Variants in RUSC1 observed in about 807,000 individuals in gnomAD.
The protein encoded by RUSC1 is RUN and SH3 domain containing 1.
In RUSC1, 40 loss-of-function variants were observed where a neutral mutation model predicts 72.1. The ratio of observed to expected loss-of-function variants is 0.55; its 90% CI spans 0.43 to 0.72. The LOEUF (loss-of-function observed/expected upper bound fraction) is 0.72. Among genes scored for constraint, RUSC1 ranks in the 30% least tolerant of loss-of-function variants. The probability of loss-of-function intolerance (pLI) is 0.00; values close to 1 mark genes in which losing one functional copy is unlikely to be tolerated. For missense variants in RUSC1, 1,092 were observed against 1,172.3 expected (o/e 0.93, Z 1.00); for synonymous variants, 512 against 494.2 (o/e 1.04, Z -0.48).
rs141042910 is a variant in RUSC1, at chr1:155,328,270, C to T, written c.2535C>T (p.Thr845=). 3.1e-6 allele frequency: 5 copies of T among 1,610,406 alleles called. No individual in the cohort carries two copies. The African/African-American group carries it at 4.0e-5, about 13-fold the overall frequency. The change falls in exon 9 of 10, where the codon ACC becomes ACT. Residue 845 remains threonine (T), a synonymous_variant. Transcript: ENST00000368352. ...CCTCAGCACCCAGGATGGTGCAAAC[C>T]CATAGGTAAGGAGGATTGGGGAGAA... ...LEASAPRMVQ[T]HRAVRALCDH... is the part of the protein sequence containing the mutation.
At chr1:155,328,520 C>T (rs980030571) in intron 9 of RUSC1, among the ~76,000 whole-genome samples, 14 of 151,530 alleles carry the variant, frequency 9.2e-5, no homozygotes, top group Non-Finnish European at 2.1e-4. Context: ...CTCACTGCAA[C>T]CTCCCCTTCC....
At chr1:155,321,242 C>T in intron 1 of RUSC1, 2 of 1,361,620 alleles carry the variant, frequency 1.5e-6, no homozygotes, top group Non-Finnish European at 2.0e-6. Flanking sequence ...CCAGCCCCCA[C>T]CCCTTTCCTG....
chr1:155,322,636 C>T lies in RUSC1; in HGVS notation c.863C>T (p.Ser288Leu). 1 of 1,614,246 alleles carries T rather than the reference C, an allele frequency of 6.2e-7. No individual in the cohort carries two copies. ...AACACAAGAATAACTGATTCTGGCT[C>T]GAAAACAGATGCAGGGAAAATTGAT... ...KTNTRITDSG[S>L]KTDAGKIDGG... Residue 288 changes from serine (S) to leucine (L), a missense_variant, in exon 2 of 10, where the codon TCG (serine) becomes TTG (leucine). Coordinates refer to ENST00000368352, the MANE Select transcript of RUSC1 (RefSeq NM_001105203.2).
At chr1:155,321,244 C>G (rs777599377) in intron 1 of RUSC1, 2 of 1,362,548 alleles carry the variant, frequency 1.5e-6, no homozygotes, top group South Asian at 2.3e-5. Context: ...AGCCCCCACC[C>G]CTTTCCTGCA....
chr1:155,322,882 C>A lies in RUSC1; in HGVS notation c.1109C>A (p.Thr370Asn). The A allele has an allele frequency of 6.2e-7, 1 of 1,612,198 alleles. No homozygotes were observed. The highest frequency in any genetic ancestry group is 8.5e-7 in the Non-Finnish European group (1 of 1,179,620). Residue 370 changes from threonine (T) to asparagine (N), a missense_variant, in exon 2 of 10, where the codon ACC (threonine) becomes AAC (asparagine). Coordinates refer to ENST00000368352, the MANE Select transcript of RUSC1 (RefSeq NM_001105203.2). ...TCGGCACCTCCTCGGGAAGTCACCA[C>A]CTTCAAGGAACTCCGGTCCCGAAGC... is the stretch of plus-strand genomic sequence containing the variant. ...GSSAPPREVT[T>N]FKELRSRSRA...
chr1:155,321,424 C>A, intron 1 of RUSC1: 3 of 1,406,614 alleles, frequency 2.1e-6, no homozygotes, highest in East Asian at 3.9e-5. Flanking sequence ...CGGACCTCTT[C>A]CAGGCCCCCG....
At chr1:155,328,726 G>A (rs1239284701) in intron 9 of RUSC1, among the ~76,000 whole-genome samples, 2 of 152,132 alleles carry the variant, frequency 1.3e-5, no homozygotes, top group Non-Finnish European at 2.9e-5. Flanking sequence ...AGCCTTCTGA[G>A]TAGCTGGGAT....
intron 8 of RUSC1, 76 bp downstream of exon 8, chr1:155,327,208 AG>A: frequency 7.1e-7 from 1 of 1,415,670 alleles, no homozygotes; most frequent in East Asian, 2.3e-5. Context: ...GAAACTCTCT[AG>A]TGATGATCCT....
Position 155,322,060 on chromosome 1 carries a change from C to G in RUSC1, c.287C>G (p.Ser96Cys), listed in dbSNP as rs1650611045. The change falls in exon 2 of 10, where the codon TCT (serine) becomes TGT (cysteine). Residue 96 changes from serine to cysteine, a missense_variant. By Grantham distance (112) the Ser-to-Cys change is moderately radical. Transcript: ENST00000368352. Reference protein sequence around the residue: ...DPSQEEEGAASPSDPGCSSSL... With the variant: ...DPSQEEEGAACPSDPGCSSSL... Reference sequence around the variant, plus strand: ...TCACAGGAGGAAGAGGGGGCTGCCTCTCCCTCAGACCCAGGCTGCTCCTCC... The same window carrying G: ...TCACAGGAGGAAGAGGGGGCTGCCTGTCCCTCAGACCCAGGCTGCTCCTCC... 2 of 1,613,842 alleles carry G rather than the reference C, an allele frequency of 1.2e-6. No homozygotes were observed. The highest frequency in any genetic ancestry group is 2.7e-5 in the African/African-American group (2 of 75,050).
intron 9 of RUSC1, among the ~76,000 whole-genome samples, chr1:155,329,472 A>C (rs1651784951): frequency 7.6e-6 from 1 of 131,986 alleles, no homozygotes. Flanking sequence ...GGCTCACTGC[A>C]ACCTCCGCCT....
At chr1:155,324,674 C>T in intron 2 of RUSC1, 171 bp from the exon 3 acceptor site, 2 of 1,536,886 alleles carry the variant, frequency 1.3e-6, no homozygotes, top group African/African-American at 1.4e-5. Context: ...AGATTTCACT[C>T]CGGGGCTCGG....
rs759604105 is a variant in RUSC1 at position 155,325,190 on chromosome 1, T to TG, written c.1533+18dup. On this transcript the variant is annotated intron_variant, in intron 4 of 9. Transcript: ENST00000368352. The surrounding 1 kb of genome is among the most constrained non-coding windows in gnomAD (Gnocchi z 6.5). Reference sequence around the variant, plus strand: ...ACTTGGTGCAGAAGGTGAAGGTGGCTGGGGGGAGGCTGTTGGGATGAGGAG... The same window carrying TG: ...ACTTGGTGCAGAAGGTGAAGGTGGCTGGGGGGGAGGCTGTTGGGATGAGGAG... The TG allele has an allele frequency of 4.2e-5, 68 of 1,614,018 alleles. 1 individual carries two copies. The South Asian group carries it at 6.8e-4, about 16-fold the overall frequency.
rs35826120 is a variant in RUSC1, at chr1:155,325,123, T to C, written c.1478T>C (p.Val493Ala). The change falls in exon 4 of 10, where the codon GTC becomes GCC. Residue 493 changes from valine (V) to alanine (A), a missense_variant. Val to Ala is a moderately conservative substitution (Grantham distance 64, BLOSUM62 0). Coordinates refer to ENST00000368352, the MANE Select transcript of RUSC1 (RefSeq NM_001105203.2). This position sits in a 1 kb window ranked among gnomAD's most constrained non-coding sequence, Gnocchi z 6.5. Reference protein sequence around the residue: ...QKKGLLIAVSVSVDKIISHFG... With the variant: ...QKKGLLIAVSASVDKIISHFG... ...CCAGGTCTTCTGATAGCCGTCAGCG[T>C]CTCCGTTGATAAAATCATCTCGCAT... The C allele has an allele frequency of 3.3e-3, 5,271 of 1,614,208 alleles. 157 individuals carry two copies. In the African/African-American group the frequency reaches 0.061, roughly 19 times the overall value.
chr1:155,330,173 T>C (rs1046827660), intron 9 of RUSC1, among the ~76,000 whole-genome samples: 2 of 152,036 alleles, frequency 1.3e-5, no homozygotes, highest in Non-Finnish European at 1.5e-5. Context: ...TGAAGCACCA[T>C]TGAGAAGTGC....
chr1:155,330,568 G>GT lies in RUSC1; in HGVS notation c.2707dup (p.Ter903LeufsTer46). ...CTGTGGGGTATACCTCCCTTGTTCT[G>GT]TAGCCCTGGGACCCTTTCCTGCGTA... On this transcript the variant is annotated frameshift_variant, in exon 10 of 10. Coordinates refer to ENST00000368352, the MANE Select transcript of RUSC1 (RefSeq NM_001105203.2). LOFTEE classifies it high-confidence loss of function. 6.3e-7 allele frequency: 1 copy of GT among 1,586,904 alleles called. No homozygotes were observed. The highest frequency in any genetic ancestry group is 8.6e-7 in the Non-Finnish European group (1 of 1,165,186).
In RUSC1 at chr1:155,325,214, A is replaced by G; in HGVS notation, c.1533+36A>G. On this transcript the variant is annotated intron_variant, in intron 4 of 9. Transcript: ENST00000368352. The surrounding 1 kb of genome is among the most constrained non-coding windows in gnomAD (Gnocchi z 6.5). ...CTGGGGGGAGGCTGTTGGGATGAGG[A>G]GAGTAATGGAGCTCCGCGGGGGGTG... is the stretch of plus-strand genomic sequence containing the variant. 6.2e-7 allele frequency: 1 copy of G among 1,613,816 alleles called. No individual in the cohort carries two copies. Among genetic ancestry groups the G allele is most frequent in the South Asian group, 1.1e-5 (1 of 91,072 alleles).
At chr1:155,321,414 C>G in intron 1 of RUSC1, 10 of 1,398,216 alleles carry the variant, frequency 7.2e-6, no homozygotes, top group Non-Finnish European at 9.6e-6. Context: ...ATTCTGGGCC[C>G]GGACCTCTTC....
At chr1:155,328,744 A>G (rs1348931081) in intron 9 of RUSC1, among the ~76,000 whole-genome samples, 1 of 152,054 alleles carries the variant, frequency 6.6e-6, no homozygotes, top group Non-Finnish European at 1.5e-5. Flanking sequence ...GATTACAGGC[A>G]CATGCCGCCA....
chr1:155,324,764 C>A, intron 2 of RUSC1, 81 bp from the exon 3 acceptor site: 8 of 1,607,896 alleles, frequency 5.0e-6, no homozygotes, highest in Middle Eastern at 1.7e-4. Flanking sequence ...GCAGACCCGC[C>A]GGAGACAACT....
Sources: gnomAD v4.1 joint callset for allele counts (sites outside exome capture counted in the v4.1 genomes callset) on GRCh38, gnomAD v4.1.1 for gene constraint, Gnocchi (gnomAD v3.1) non-coding constraint, MANE v1.5 for transcripts, NCBI Gene and HGNC (gene_info 2026-07-23, HGNC 2026-07-21) for gene names.